The following GRID1 variants were observed in gnomAD, a reference collection of about 807,000 sequenced individuals.
GRID1 encodes glutamate ionotropic receptor delta type subunit 1.
Under a neutral mutation model 98.0 loss-of-function variants are expected in GRID1, and 28 were observed. The ratio of observed to expected loss-of-function variants is 0.29; its 90% CI spans 0.21 to 0.39. The LOEUF (loss-of-function observed/expected upper bound fraction) is 0.39, where lower values mean the gene tolerates loss of function less well. Among genes scored for constraint, GRID1 ranks in the 10% least tolerant of loss-of-function variants. GRID1 has a pLI of 1.00. For synonymous variants in GRID1, 553 were observed against 538.5 expected, an observed-to-expected ratio of 1.03 and a Z score of -0.37; for missense variants, 1,111 against 1,340.5, an observed-to-expected ratio of 0.83 and a Z score of 2.67.
chr10:85,915,638 ACACT>A (rs1298427562), intron 5 of GRID1, among the ~76,000 whole-genome samples: 5 of 152,032 alleles, frequency 3.3e-5, no homozygotes, highest in African/African-American at 7.2e-5. Flanking sequence ...GCATGTTCAC[ACACT>A]CACACCTACA....
chr10:85,918,950 C>G (rs1272556234), intron 4 of GRID1, among the ~76,000 whole-genome samples: 1 of 152,190 alleles, frequency 6.6e-6, no homozygotes, highest in South Asian at 2.1e-4. Context: ...TCCTAGGGAG[C>G]TTTAAAAAAG....
intron 2 of GRID1, among the ~76,000 whole-genome samples, chr10:86,258,114 C>T (rs1846953900): frequency 6.6e-6 from 1 of 152,124 alleles, no homozygotes; most frequent in South Asian, 2.1e-4. Flanking sequence ...ACTCAAAGTG[C>T]AGTAAATAGG....
intron 4 of GRID1, among the ~76,000 whole-genome samples, chr10:85,971,181 A>G (rs1842402546): frequency 6.6e-6 from 1 of 152,062 alleles, no homozygotes; most frequent in South Asian, 2.1e-4. Flanking sequence ...ACCTTTCCCC[A>G]GGAGTCATTC....
chr10:86,025,587 A>G (rs1227799954), intron 4 of GRID1, among the ~76,000 whole-genome samples: 3 of 152,208 alleles, frequency 2.0e-5, no homozygotes, highest in African/African-American at 7.2e-5. Flanking sequence ...AACAGGAGCC[A>G]TTATCTCCTC....
intron 12 of GRID1, among the ~76,000 whole-genome samples, chr10:85,662,721 G>A (rs781180642): frequency 6.6e-6 from 1 of 152,212 alleles, no homozygotes; most frequent in South Asian, 2.1e-4. Context: ...GAAGAGGGCT[G>A]CACTGTGTCG....
At chr10:85,957,165 G>C (rs150960343) in intron 4 of GRID1, among the ~76,000 whole-genome samples, 1 of 152,138 alleles carries the variant, frequency 6.6e-6, no homozygotes, top group African/African-American at 2.4e-5. Context: ...CCCCCAACAC[G>C]TGGGGATTAC....
rs773065126 is a variant in GRID1 at position 85,724,439 on chromosome 10, C to A, written c.1771G>T (p.Ala591Ser). The change falls in exon 11 of 16, where the codon GCT (alanine) becomes TCT (serine). Residue 591 changes from alanine to serine, a missense_variant. By Grantham distance (99) the Ala-to-Ser change is moderately conservative. Transcript: ENST00000327946. ...FVLNRIQAVR[A>S]QSAAQPRPSA... is the part of the protein sequence containing the mutation. ...GGCCTGGGCTGGGCAGCACTCTGAG[C>A]CCTCACAGCCTGTATCCTGTTCAAC... is the stretch of plus-strand genomic sequence containing the variant. 8 of 1,613,994 alleles carry A rather than the reference C, an allele frequency of 5.0e-6. No individual in the cohort carries two copies. The highest frequency in any genetic ancestry group is 5.9e-6 in the Non-Finnish European group (7 of 1,180,008).
chr10:86,100,576 G>C (rs1441187051), intron 4 of GRID1, among the ~76,000 whole-genome samples: 1 of 152,152 alleles, frequency 6.6e-6, no homozygotes, highest in Non-Finnish European at 1.5e-5. Context: ...ATGGCAAGCT[G>C]GGGGCTAAAG....
At chr10:86,066,087 C>T (rs1038497965) in intron 4 of GRID1, among the ~76,000 whole-genome samples, 1 of 152,174 alleles carries the variant, frequency 6.6e-6, no homozygotes, top group African/African-American at 2.4e-5. Context: ...TCTGAAAAGA[C>T]AGATTAAAGA....
chr10:85,630,166 T>C (rs1016257168), intron 13 of GRID1, among the ~76,000 whole-genome samples: 1 of 152,210 alleles, frequency 6.6e-6, no homozygotes, highest in Non-Finnish European at 1.5e-5. Flanking sequence ...ACTTCCTTTA[T>C]AGAGTCTTCA....
rs527430053 is a variant in GRID1, at chr10:86,264,177, G to A, written c.236-57529C>T. On this transcript the variant is annotated intron_variant, in intron 2 of 15. Transcript: ENST00000327946. ...GCAGCTGCAGTACCACCCCACGCTG[G>A]AGCTAAGAGCCCAGCCCCACCAACA... Among the ~76,000 whole-genome samples, 4 of 152,166 alleles carry A rather than the reference G, an allele frequency of 2.6e-5. No individual in the cohort carries two copies. In the South Asian group the frequency reaches 8.3e-4, roughly 32 times the overall value.
At chr10:85,702,949 A>G (rs1326343040) in intron 12 of GRID1, among the ~76,000 whole-genome samples, 3 of 151,858 alleles carry the variant, frequency 2.0e-5, no homozygotes, top group South Asian at 2.1e-4. Context: ...GAAAAAGAAG[A>G]TGAAAAAATG....
intron 4 of GRID1, among the ~76,000 whole-genome samples, chr10:86,015,583 C>T (rs1008182997): frequency 4.6e-5 from 7 of 152,158 alleles, no homozygotes; most frequent in Non-Finnish European, 7.3e-5. Flanking sequence ...AGTGGCAGGG[C>T]GAGTGGAAGT....
At chr10:85,779,826 A>C (rs1842365564) in intron 8 of GRID1, among the ~76,000 whole-genome samples, 1 of 152,210 alleles carries the variant, frequency 6.6e-6, no homozygotes, top group Non-Finnish European at 1.5e-5. Flanking sequence ...AGGGAAAAGG[A>C]AAGTTACACA....
chr10:85,708,591 A>G (rs1177229744), intron 12 of GRID1, among the ~76,000 whole-genome samples: 3 of 152,228 alleles, frequency 2.0e-5, no homozygotes, highest in Non-Finnish European at 4.4e-5. Context: ...ACAATGTTAA[A>G]TTGGAAAATG....
intron 2 of GRID1, among the ~76,000 whole-genome samples, chr10:86,358,921 C>T (rs571242265): frequency 2.6e-5 from 4 of 151,944 alleles, no homozygotes; most frequent in South Asian, 4.2e-4. Flanking sequence ...GGCCTTGACC[C>T]GCCATTGCTG....
At chr10:85,966,645 C>T (rs890656236) in intron 4 of GRID1, among the ~76,000 whole-genome samples, 1 of 152,040 alleles carries the variant, frequency 6.6e-6, no homozygotes, top group Non-Finnish European at 1.5e-5. Flanking sequence ...AAAACCCTAG[C>T]TCTACTAAAA....
intron 8 of GRID1, among the ~76,000 whole-genome samples, chr10:85,798,791 C>T (rs1446962328): frequency 1.3e-5 from 2 of 151,972 alleles, no homozygotes; most frequent in Admixed American, 1.3e-4. Flanking sequence ...TATTTATTTT[C>T]TCCTATTCTG....
intron 4 of GRID1, among the ~76,000 whole-genome samples, chr10:85,956,377 T>C (rs947817734): frequency 6.6e-6 from 1 of 152,078 alleles, no homozygotes; most frequent in Non-Finnish European, 1.5e-5. Flanking sequence ...TCCCCAGCAC[T>C]CTCTTCTGGA....
Sources: allele counts gnomAD v4.1 joint callset (sites outside exome capture counted in the v4.1 genomes callset), GRCh38; gene constraint gnomAD v4.1.1; transcripts MANE v1.5; gene names NCBI Gene and HGNC (gene_info 2026-07-23, HGNC 2026-07-21).